KHDRBS2: variants seen among roughly 807,000 people sequenced by gnomAD.
The protein encoded by KHDRBS2 is KH domain-containing, RNA-binding, signal transduction-associated protein 2.
KHDRBS2 carries 26 observed loss-of-function variants against 44.3 expected under a neutral mutation model. The observed-to-expected ratio is 0.59, with a 90% CI of 0.43 to 0.81. KHDRBS2 has a LOEUF of 0.81. Ranked by LOEUF, KHDRBS2 falls within the 40% of genes least tolerant of loss-of-function variation. The pLI, the probability that KHDRBS2 is intolerant of heterozygous loss-of-function variation, is 0.00. For missense variants in KHDRBS2, 476 were observed against 433.1 expected, an observed-to-expected ratio of 1.10 and a Z score of -0.88; for synonymous variants, 194 against 151.1, an observed-to-expected ratio of 1.28 and a Z score of -2.08.
At chr6:61,697,065 T>A (rs771838357) in intron 8 of KHDRBS2, 130 bp downstream of exon 8, 38 of 713,664 alleles carry the variant, frequency 5.3e-5, no homozygotes, top group Non-Finnish European at 8.5e-5. Context: ...AATCTCACCC[T>A]GGAATTACAT....
At chr6:62,147,466 C>T in intron 2 of KHDRBS2, among the ~76,000 whole-genome samples, 1 of 151,832 alleles carries the variant, frequency 6.6e-6, no homozygotes, top group Non-Finnish European at 1.5e-5. Context: ...TGCTTAGTTT[C>T]CCTTTGTTCA....
At chr6:62,266,003 G>C (rs1839145225) in intron 1 of KHDRBS2, among the ~76,000 whole-genome samples, 1 of 151,998 alleles carries the variant, frequency 6.6e-6, no homozygotes, top group Non-Finnish European at 1.5e-5. Context: ...CATTCACACA[G>C]AAACATTTCA....
chr6:61,694,371 A>G (rs1160300863), intron 8 of KHDRBS2, among the ~76,000 whole-genome samples: 1 of 152,174 alleles, frequency 6.6e-6, no homozygotes, highest in Non-Finnish European at 1.5e-5. Flanking sequence ...AAGTTTCTCA[A>G]CACCAAATAG....
At chr6:62,261,696 A>G (rs759613439) in intron 1 of KHDRBS2, among the ~76,000 whole-genome samples, 33 of 151,816 alleles carry the variant, frequency 2.2e-4, no homozygotes, top group Non-Finnish European at 4.6e-4. Flanking sequence ...GCTAAATCGT[A>G]TATTACCTAT....
chr6:62,024,186 G>A (rs1417095440), intron 3 of KHDRBS2, among the ~76,000 whole-genome samples: 4 of 151,228 alleles, frequency 2.6e-5, no homozygotes, highest in African/African-American at 9.7e-5. Flanking sequence ...TCTAAGGCCT[G>A]TATACCTAAC....
intron 2 of KHDRBS2, among the ~76,000 whole-genome samples, chr6:62,091,799 A>G (rs1381493644): frequency 6.6e-6 from 1 of 152,190 alleles, no homozygotes; most frequent in Non-Finnish European, 1.5e-5. Flanking sequence ...TACTTAATGG[A>G]ATACTGTTGT....
the KHDRBS2 span, among the ~76,000 whole-genome samples, chr6:61,594,910 G>A: frequency 1.3e-5 from 2 of 152,028 alleles, no homozygotes; most frequent in Admixed American, 6.5e-5. Context: ...TAAAATAACA[G>A]TCATTCATTT....
At chr6:62,132,834 C>T (rs932055742) in intron 2 of KHDRBS2, among the ~76,000 whole-genome samples, 6 of 152,116 alleles carry the variant, frequency 3.9e-5, no homozygotes, top group African/African-American at 1.4e-4. Context: ...CAGCATCAAG[C>T]CCAGAAATCA....
chr6:62,279,051 G>A (rs1035530414), intron 1 of KHDRBS2, among the ~76,000 whole-genome samples: 3 of 152,020 alleles, frequency 2.0e-5, no homozygotes, highest in African/African-American at 7.2e-5. Context: ...CTGAGATTGT[G>A]CCACTGCACT....
At chr6:62,270,301 CCTCT>C (rs1311838437) in intron 1 of KHDRBS2, among the ~76,000 whole-genome samples, 38 of 134,250 alleles carry the variant, frequency 2.8e-4, no homozygotes, top group East Asian at 1.8e-3. Context: ...CTCTCTCTCT[CCTCT>C]CTCTCTCTCT....
At chr6:62,206,722 T>C (rs1828037505) in intron 1 of KHDRBS2, among the ~76,000 whole-genome samples, 1 of 152,096 alleles carries the variant, frequency 6.6e-6, no homozygotes, top group South Asian at 2.1e-4. Context: ...CTGTCCCAAA[T>C]TTCTGTTTTA....
intron 5 of KHDRBS2, among the ~76,000 whole-genome samples, chr6:61,897,711 G>GTCTCTCTCTCTC (rs113407645): frequency 6.7e-6 from 1 of 148,472 alleles, no homozygotes; most frequent in African/African-American, 2.5e-5. Flanking sequence ...CTCTGTCTCT[G>GTCTCTCTCTCTC]TCTCTCTCTC....
intron 3 of KHDRBS2, among the ~76,000 whole-genome samples, chr6:61,997,523 TC>T (rs1286177220): frequency 1.3e-5 from 2 of 152,180 alleles, no homozygotes; most frequent in Non-Finnish European, 2.9e-5. Context: ...CCTCTCCAGG[TC>T]CCTTCTCTTG....
intron 1 of KHDRBS2, among the ~76,000 whole-genome samples, chr6:62,218,699 A>G (rs1239814558): frequency 6.6e-6 from 1 of 151,924 alleles, no homozygotes; most frequent in African/African-American, 2.4e-5. Context: ...AAGTCATTTT[A>G]TCAAAATAAG....
the KHDRBS2 span, among the ~76,000 whole-genome samples, chr6:61,602,325 C>T: frequency 8.5e-5 from 13 of 152,152 alleles, no homozygotes; most frequent in East Asian, 5.8e-4. Flanking sequence ...AGGCTTGAAC[C>T]GCAGTGGCCA....
intron 1 of KHDRBS2, among the ~76,000 whole-genome samples, chr6:62,233,742 T>C (rs545479852): frequency 6.6e-6 from 1 of 152,272 alleles, no homozygotes; most frequent in African/African-American, 2.4e-5. Flanking sequence ...ATGTGGTATT[T>C]GGTTTTCTGT....
chr6:62,045,332 T>G (rs1032314854), intron 3 of KHDRBS2, among the ~76,000 whole-genome samples: 1 of 151,980 alleles, frequency 6.6e-6, no homozygotes, highest in Non-Finnish European at 1.5e-5. Context: ...AAGTACAGAT[T>G]CTCCCTCAGG....
rs1792835436 is a variant in KHDRBS2, at chr6:61,837,238, T to C, written c.810+57397A>G. Reference sequence around the variant, plus strand: ...AAGACAAAGCATTACTATTTGAGTGTCACATAAGTATTCAAAGTGTTCATT... The same window carrying C: ...AAGACAAAGCATTACTATTTGAGTGCCACATAAGTATTCAAAGTGTTCATT... On this transcript the variant is annotated intron_variant, in intron 6 of 8. Coordinates refer to ENST00000281156, the MANE Select transcript of KHDRBS2 (RefSeq NM_152688.4). Among the ~76,000 whole-genome samples the C allele has an allele frequency of 2.6e-5, 4 of 152,050 alleles. No individual in the cohort carries two copies. The South Asian group carries it at 8.3e-4, about 31-fold the overall frequency.
At chr6:61,973,218 T>G (rs12524852) in intron 4 of KHDRBS2, among the ~76,000 whole-genome samples, 31,191 of 152,094 alleles carry the variant, frequency 0.21, 3,450 homozygotes, top group Admixed American at 0.3. Flanking sequence ...TTTTTATATT[T>G]ATCATCTTCT....
Sources: allele counts gnomAD v4.1 joint callset (sites outside exome capture counted in the v4.1 genomes callset), GRCh38; gene constraint gnomAD v4.1.1; transcripts MANE v1.5; gene names NCBI Gene and HGNC (gene_info 2026-07-23, HGNC 2026-07-21).